The following AOAH variants were observed in gnomAD, a reference collection of about 807,000 sequenced individuals.
AOAH encodes the protein acyloxyacyl hydrolase (neutrophil).
AOAH carries 64 observed loss-of-function variants against 92.2 expected under a neutral mutation model. The ratio of observed to expected loss-of-function variants is 0.69; its 90% confidence interval spans 0.57 to 0.86. The LOEUF is 0.86. AOAH is among the 40% of genes least tolerant of loss of function. The pLI is 0.00. For missense variants in AOAH, 656 were observed against 694.6 expected, an observed-to-expected ratio of 0.94 and a Z score of 0.62; for synonymous variants, 263 against 254.5, an observed-to-expected ratio of 1.03 and a Z score of -0.32.
chr7:36,594,670 C>T lies in AOAH; in HGVS notation c.847-240G>A, dbSNP rs188014142. On this transcript the variant is annotated intron_variant, in intron 11 of 20. Coordinates refer to ENST00000617537, the MANE Select transcript of AOAH (RefSeq NM_001637.4). ...CTCAGCTCTTGTGAAACATGCAGAA[C>T]ATTTGGCATCTCAAACACTTGGGAG... 16 of 548,828 alleles carry T rather than the reference C, an allele frequency of 2.9e-5. No individual in the cohort carries two copies. In the East Asian group the frequency reaches 4.3e-4, roughly 15 times the overall value. The allele number at this position is 548,828 out of a possible 1,614,324, so 34.0% of individuals were successfully genotyped here.
intron 12 of AOAH, among the ~76,000 whole-genome samples, chr7:36,589,139 G>C (rs887113880): frequency 4.6e-5 from 7 of 152,032 alleles, no homozygotes; most frequent in African/African-American, 1.7e-4. Context: ...ACTGACTCCT[G>C]GCCCCACCTT....
At chr7:36,617,080 C>T (rs1791954073) in intron 10 of AOAH, among the ~76,000 whole-genome samples, 1 of 152,212 alleles carries the variant, frequency 6.6e-6, no homozygotes, top group Non-Finnish European at 1.5e-5. Context: ...CTTCCAAATT[C>T]CTTAAGATCC....
intron 1 of AOAH, among the ~76,000 whole-genome samples, chr7:36,693,362 T>C (rs1797524382): frequency 6.6e-6 from 1 of 152,202 alleles, no homozygotes; most frequent in Non-Finnish European, 1.5e-5. Context: ...CTAAATACTA[T>C]AGTGACTTCT....
chr7:36,560,286 T>C (rs1787162442), intron 13 of AOAH, among the ~76,000 whole-genome samples: 1 of 152,236 alleles, frequency 6.6e-6, no homozygotes, highest in African/African-American at 2.4e-5. Flanking sequence ...ATTGGTAGCT[T>C]GATAAAAATA....
In AOAH at chr7:36,537,954, C is replaced by T. The variant is rs192435486; in HGVS notation, c.1306+2365G>A. On this transcript the variant is annotated intron_variant, in intron 16 of 20. Transcript: ENST00000617537. Reference sequence around the variant, plus strand: ...AATCCCCCAATCATCCTTTTTTCTTCCCTCAGTCCTTTCCAAATTGCGTGG... The same window carrying T: ...AATCCCCCAATCATCCTTTTTTCTTTCCTCAGTCCTTTCCAAATTGCGTGG... Among the ~76,000 whole-genome samples the T allele has an allele frequency of 3.9e-4, 59 of 151,738 alleles. 1 individual carries two copies. In the East Asian group the frequency reaches 8.7e-3, roughly 22 times the overall value.
intron 16 of AOAH, among the ~76,000 whole-genome samples, chr7:36,535,160 GTGTGTGTGTT>G (rs1784972610): frequency 6.6e-6 from 1 of 151,882 alleles, no homozygotes; most frequent in African/African-American, 2.4e-5. Context: ...CCGTGTCTGT[GTGTGTGTGTT>G]TGTGTGTGTC....
At chr7:36,553,240 A>G (rs1193274544) in intron 13 of AOAH, among the ~76,000 whole-genome samples, 1 of 150,936 alleles carries the variant, frequency 6.6e-6, no homozygotes, top group Non-Finnish European at 1.5e-5. Context: ...TGTCCTTGCA[A>G]TAGTTTACTG....
chr7:36,698,710 G>C (rs1797859643), intron 1 of AOAH, among the ~76,000 whole-genome samples: 1 of 151,770 alleles, frequency 6.6e-6, no homozygotes, highest in African/African-American at 2.4e-5. Flanking sequence ...TATTTTCAGG[G>C]CACCTGTGAT....
chr7:36,691,994 T>C (rs1015340417), intron 1 of AOAH, among the ~76,000 whole-genome samples: 1 of 152,220 alleles, frequency 6.6e-6, no homozygotes, highest in African/African-American at 2.4e-5. Context: ...CATTTCATCA[T>C]CTACCAGCTG....
At chr7:36,659,362 C>A in intron 3 of AOAH, 97 bp from the exon 4 acceptor site, 2 of 986,666 alleles carry the variant, frequency 2.0e-6, no homozygotes, top group South Asian at 2.7e-5. Context: ...AGAATGGATT[C>A]TAATACCCTC....
At chr7:36,623,665 C>T (rs777577738) in intron 6 of AOAH, among the ~76,000 whole-genome samples, 3 of 152,202 alleles carry the variant, frequency 2.0e-5, no homozygotes, top group Non-Finnish European at 4.4e-5. Context: ...TTTTCAATCA[C>T]TTATCCTGAG....
At chr7:36,691,511 AG>A (rs1232249756) in intron 1 of AOAH, among the ~76,000 whole-genome samples, 2 of 152,106 alleles carry the variant, frequency 1.3e-5, no homozygotes, top group African/African-American at 2.4e-5. Context: ...GAGACAAAGG[AG>A]GAGAAAGAGA....
intron 4 of AOAH, among the ~76,000 whole-genome samples, chr7:36,651,594 T>C (rs554597236): frequency 6.6e-6 from 1 of 152,336 alleles, no homozygotes; most frequent in South Asian, 2.1e-4. Context: ...TGATATTTTA[T>C]GAAAACTAAA....
At chr7:36,638,363 G>A (rs1310484937) in intron 4 of AOAH, among the ~76,000 whole-genome samples, 1 of 152,236 alleles carries the variant, frequency 6.6e-6, no homozygotes, top group Non-Finnish European at 1.5e-5. Flanking sequence ...CTTTGGCAGT[G>A]AAGAATGGCT....
At chr7:36,655,127 T>G (rs1449462093) in intron 4 of AOAH, among the ~76,000 whole-genome samples, 2 of 152,214 alleles carry the variant, frequency 1.3e-5, no homozygotes, top group Non-Finnish European at 2.9e-5. Context: ...CCCCATGTGC[T>G]TGCATCTTAG....
intron 18 of AOAH, among the ~76,000 whole-genome samples, chr7:36,531,507 T>G (rs1431430022): frequency 6.6e-6 from 1 of 151,992 alleles, no homozygotes; most frequent in Non-Finnish European, 1.5e-5. Context: ...CCATGACACC[T>G]GGCTAATTTT....
chr7:36,538,000 C>T (rs1261183073), intron 16 of AOAH, among the ~76,000 whole-genome samples: 3 of 146,678 alleles, frequency 2.0e-5, no homozygotes, highest in Admixed American at 1.4e-4. Context: ...ACATACCATT[C>T]GTACATTCTT....
At chr7:36,569,370 G>A (rs1046611389) in intron 13 of AOAH, among the ~76,000 whole-genome samples, 2 of 152,118 alleles carry the variant, frequency 1.3e-5, no homozygotes, top group South Asian at 2.1e-4. Flanking sequence ...ATGGGTGGCC[G>A]CAATGCAAAT....
intron 6 of AOAH, among the ~76,000 whole-genome samples, chr7:36,625,472 T>C (rs958540466): frequency 3.3e-5 from 5 of 152,148 alleles, no homozygotes; most frequent in Non-Finnish European, 5.9e-5. Context: ...AAGCCCCCAG[T>C]ATTGGTCCTC....
Sources: gnomAD v4.1 joint callset for allele counts (sites outside exome capture counted in the v4.1 genomes callset) on GRCh38, gnomAD v4.1.1 for gene constraint, MANE v1.5 for transcripts, NCBI Gene and HGNC (gene_info 2026-07-23, HGNC 2026-07-21) for gene names.